Variants in LCP1 observed in about 807,000 individuals in gnomAD.
The protein encoded by LCP1 is lymphocyte cytosolic protein 1.
A neutral mutation model predicts 72.0 loss-of-function variants in LCP1; 23 were observed. That is an observed-to-expected ratio of 0.32 (90% CI 0.23 to 0.45). The LOEUF is 0.45. LCP1 is among the 20% of genes least tolerant of loss of function. The probability of loss-of-function intolerance (pLI) is 1.00; values close to 1 mark genes in which losing one functional copy is unlikely to be tolerated. For synonymous variants in LCP1, 245 were observed against 275.4 expected (o/e 0.89, Z 1.09); for missense variants, 571 against 748.3 (o/e 0.76, Z 2.76).
At chr13:46,157,523 CTA>C (rs1479790758) in intron 4 of LCP1, among the ~76,000 whole-genome samples, 1 of 152,086 alleles carries the variant, frequency 6.6e-6, no homozygotes, top group African/African-American at 2.4e-5. Flanking sequence ...CAGCCTAGCA[CTA>C]TGTTTCCCAA....
chr13:46,154,687 G>C (rs929955941), intron 6 of LCP1, 118 bp downstream of exon 6: 1 of 762,720 alleles, frequency 1.3e-6, no homozygotes. Flanking sequence ...CAAGTCACCA[G>C]CCCAAAGCCT....
chr13:46,158,810 T>C lies in LCP1; in HGVS notation c.228+16A>G. On this transcript the variant is annotated intron_variant, in intron 3 of 15. Coordinates refer to ENST00000323076, the MANE Select transcript of LCP1 (RefSeq NM_002298.5). ...AAGTTTCAAATGTGTCTCCTTGTAT[T>C]CTGCATGGTACTCACCTTGATAAAC... 1 of 1,613,146 alleles carries C rather than the reference T, an allele frequency of 6.2e-7. No homozygotes were observed.
At chr13:46,173,421 A>G (rs1318895933) in intron 1 of LCP1, among the ~76,000 whole-genome samples, 3 of 152,204 alleles carry the variant, frequency 2.0e-5, no homozygotes, top group Non-Finnish European at 4.4e-5. Context: ...GGAGAAAGAG[A>G]GGAAGAGAGG....
At chr13:46,149,075 G>T (rs1410780095) in intron 8 of LCP1, among the ~76,000 whole-genome samples, 1 of 152,084 alleles carries the variant, frequency 6.6e-6, no homozygotes, top group South Asian at 2.1e-4. Context: ...CTGAAAATAT[G>T]CTTATTGACA....
intron 14 of LCP1, among the ~76,000 whole-genome samples, chr13:46,131,445 G>T (rs1015129412): frequency 3.9e-5 from 6 of 152,176 alleles, no homozygotes; most frequent in African/African-American, 1.4e-4. Context: ...AAGCAGTTTG[G>T]AGTTTTCTCA....
intron 1 of LCP1, among the ~76,000 whole-genome samples, chr13:46,162,471 C>G (rs1175814887): frequency 6.6e-6 from 1 of 151,984 alleles, no homozygotes; most frequent in Non-Finnish European, 1.5e-5. Context: ...GACTCGTTTT[C>G]GTATTTTTTT....
At chr13:46,131,611 C>T (rs188050479) in intron 14 of LCP1, among the ~76,000 whole-genome samples, 1 of 152,188 alleles carries the variant, frequency 6.6e-6, no homozygotes, top group Admixed American at 6.5e-5. Context: ...ACCTAGGTGC[C>T]CATCAACAAT....
intron 1 of LCP1, among the ~76,000 whole-genome samples, chr13:46,174,768 C>G (rs577532272): frequency 6.6e-6 from 1 of 150,616 alleles, no homozygotes; most frequent in Non-Finnish European, 1.5e-5. Flanking sequence ...ATCTCTTGAA[C>G]CCAGTAGGCG....
Position 46,146,954 on chromosome 13 carries a change from G to T in LCP1, c.1128C>A (p.Ala376=). 6.2e-7 allele frequency: 1 copy of T among 1,614,140 alleles called. No homozygotes were observed. The highest frequency in any genetic ancestry group is 8.5e-7 in the Non-Finnish European group (1 of 1,180,016). The change falls in exon 10 of 16, where the codon GCC becomes GCA. Residue 376 remains alanine, a synonymous_variant. Transcript: ENST00000323076. ...TGTCCTGGTTCTCTGGTTTGTGCAGGGCAGGGTATCTGTTAAAGAGGTTGG... is the reference window on the plus strand; with the variant it reads ...TGTCCTGGTTCTCTGGTTTGTGCAGTGCAGGGTATCTGTTAAAGAGGTTGG... ...FIANLFNRYP[A]LHKPENQDID...
At chr13:46,161,738 T>C (rs1243995296) in intron 1 of LCP1, among the ~76,000 whole-genome samples, 1 of 152,188 alleles carries the variant, frequency 6.6e-6, no homozygotes, top group Non-Finnish European at 1.5e-5. Context: ...TGAAATAAGA[T>C]GATGGTCGGG....
chr13:46,174,386 C>G (rs2045918219), intron 1 of LCP1, among the ~76,000 whole-genome samples: 1 of 152,108 alleles, frequency 6.6e-6, no homozygotes, highest in Admixed American at 6.5e-5. Context: ...TTTCTTTTAT[C>G]AAAATTTTAA....
At chr13:46,160,476 A>C (rs969821922) in intron 1 of LCP1, among the ~76,000 whole-genome samples, 1 of 152,230 alleles carries the variant, frequency 6.6e-6, no homozygotes, top group Admixed American at 6.5e-5. Flanking sequence ...CAACAGATAC[A>C]GTTTATAACT....
At chr13:46,156,347 A>G in intron 5 of LCP1, 91 bp downstream of exon 5, 1 of 1,508,806 alleles carries the variant, frequency 6.6e-7, no homozygotes, top group Non-Finnish European at 9.1e-7. Context: ...CTGAGCACCA[A>G]ACAAAGTTGG....
rs1178016025 is a variant in LCP1 at position 46,154,800 on chromosome 13, C to G, written c.573+5G>C. On this transcript the variant is annotated splice_donor_5th_base_variant and intron_variant, in intron 6 of 15. Transcript: ENST00000323076. ...CTGTATTATGGTAACGGTGGGAAGA[C>G]ATACCTGAATGGTGAAAGGGGTTAG... is the stretch of plus-strand genomic sequence containing the variant. The G allele has an allele frequency of 2.5e-6, 4 of 1,610,272 alleles. No homozygotes were observed. Among genetic ancestry groups the G allele is most frequent in the Middle Eastern group, 1.7e-4 (1 of 6,058 alleles).
intron 4 of LCP1, among the ~76,000 whole-genome samples, chr13:46,157,071 C>T (rs541833559): frequency 5.3e-4 from 81 of 152,120 alleles, no homozygotes; most frequent in African/African-American, 1.7e-3. Flanking sequence ...CTGCCCACCT[C>T]AGCCTCCCAA....
chr13:46,139,744 T>C (rs915171208), intron 13 of LCP1, among the ~76,000 whole-genome samples: 16 of 152,228 alleles, frequency 1.1e-4, no homozygotes, highest in African/African-American at 3.6e-4. Context: ...CTTTTTCTTA[T>C]AATTTATTTT....
chr13:46,150,141 A>C (rs780246874), intron 8 of LCP1, among the ~76,000 whole-genome samples: 1 of 151,980 alleles, frequency 6.6e-6, no homozygotes, highest in Non-Finnish European at 1.5e-5. Flanking sequence ...CTTTCCTCTG[A>C]CTCTTTCTCT....
At chr13:46,159,998 T>A (rs938624366) in intron 1 of LCP1, among the ~76,000 whole-genome samples, 3 of 152,028 alleles carry the variant, frequency 2.0e-5, no homozygotes, top group Admixed American at 1.3e-4. Context: ...CATTAGAGGG[T>A]GGTAGAAATG....
intron 1 of LCP1, among the ~76,000 whole-genome samples, chr13:46,173,593 T>G (rs200368156): frequency 5.9e-4 from 2 of 3,390 alleles, no homozygotes; most frequent in East Asian, 0.25. Flanking sequence ...ATTAGTTGTG[T>G]TGTATACTAT....
Sources: gnomAD v4.1 joint callset for allele counts (sites outside exome capture counted in the v4.1 genomes callset) on GRCh38, gnomAD v4.1.1 for gene constraint, MANE v1.5 for transcripts, NCBI Gene and HGNC (gene_info 2026-07-23, HGNC 2026-07-21) for gene names.